The following CCNY variants were observed in gnomAD, a reference collection of about 807,000 sequenced individuals.
CCNY encodes the protein cyclin Y.
A neutral mutation model predicts 42.8 loss-of-function variants in CCNY; 19 were observed. That is an observed-to-expected ratio of 0.44 (90% CI 0.31 to 0.65). CCNY has a LOEUF of 0.65. CCNY is among the 30% of genes least tolerant of loss of function. CCNY has a pLI of 0.07. For missense variants in CCNY, 370 were observed against 437.3 expected (o/e 0.85, Z 1.37); for synonymous variants, 165 against 162.7 (o/e 1.01, Z -0.11).
At chr10:35,285,683 T>A (rs1266257779) in intron 3 of CCNY, among the ~76,000 whole-genome samples, 1 of 152,218 alleles carries the variant, frequency 6.6e-6, no homozygotes, top group East Asian at 1.9e-4. Context: ...GTTGAACTCC[T>A]GGGCTCCTAA....
chr10:35,416,804 T>A (rs1838034677), intron 1 of CCNY, among the ~76,000 whole-genome samples: 2 of 152,178 alleles, frequency 1.3e-5, no homozygotes, highest in Non-Finnish European at 2.9e-5. Context: ...TCACTCCAGC[T>A]GTGACTGTTG....
intron 7 of CCNY, among the ~76,000 whole-genome samples, chr10:35,534,999 ATGTGTGTGTGTGTG>A (rs59534409): frequency 1.9e-4 from 26 of 133,568 alleles, no homozygotes; most frequent in East Asian, 9.4e-4. Flanking sequence ...ATCTATATAT[ATGTGTGTGTGTGTG>A]TGTGTGTGTG....
rs1836046575 is a variant in CCNY, at chr10:35,336,877, CCCCGCCGCCGCCGCCGCTGCTGA to C, written c.-172_-150del. ...GCCGCCGCCGCCGCCCATGGCGAGGCCCCGCCGCCGCCGCCGCTGCTGACCCGGCGGCCGGCCGCCGTTCCGCC... is the reference window on the plus strand; with the variant it reads ...GCCGCCGCCGCCGCCCATGGCGAGGCCCCGGCGGCCGGCCGCCGTTCCGCC... On this transcript the variant is annotated 5_prime_UTR_variant, in exon 1 of 10. An upstream open reading frame in the 5' UTR loses its in-frame stop. Coordinates refer to ENST00000374704, the MANE Select transcript of CCNY (RefSeq NM_145012.6). 1 of 179,854 alleles carries C rather than the reference CCCCGCCGCCGCCGCCGCTGCTGA, an allele frequency of 5.6e-6. No homozygotes were observed. The allele number at this position is 179,854 out of a possible 1,614,324, so 11.1% of individuals were successfully genotyped here. A position where few individuals can be genotyped will look rare whatever the true frequency, so the allele number is the denominator to read the frequency against.
chr10:35,484,379 T>C (rs1275298818), intron 2 of CCNY, among the ~76,000 whole-genome samples: 1 of 152,202 alleles, frequency 6.6e-6, no homozygotes, highest in Non-Finnish European at 1.5e-5. Context: ...TGGCAAGGTA[T>C]AGTGCTGATT....
chr10:35,456,233 G>A (rs1839032890), intron 1 of CCNY, among the ~76,000 whole-genome samples: 1 of 152,112 alleles, frequency 6.6e-6, no homozygotes, highest in Admixed American at 6.5e-5. Context: ...TGCTCCCATT[G>A]CATCTCTGTG....
intron 1 of CCNY, among the ~76,000 whole-genome samples, chr10:35,441,365 T>C (rs1237072998): frequency 6.6e-6 from 1 of 152,096 alleles, no homozygotes; most frequent in Admixed American, 6.5e-5. Context: ...CCTTAGAGAG[T>C]GGTACAGAGT....
chr10:35,322,294 C>T (rs1015342141), intron 3 of CCNY, among the ~76,000 whole-genome samples: 7 of 149,428 alleles, frequency 4.7e-5, no homozygotes, highest in African/African-American at 1.2e-4. Flanking sequence ...GCAGAGGCTG[C>T]GGTGAGCTGA....
chr10:35,346,270 C>T (rs1836299910), intron 1 of CCNY, among the ~76,000 whole-genome samples: 1 of 152,192 alleles, frequency 6.6e-6, no homozygotes, highest in South Asian at 2.1e-4. Context: ...AGATACCCCA[C>T]CCACCTTTTC....
intron 2 of CCNY, among the ~76,000 whole-genome samples, chr10:35,494,125 C>T (rs1055129082): frequency 2.6e-5 from 4 of 151,646 alleles, no homozygotes; most frequent in African/African-American, 9.7e-5. Flanking sequence ...AGAGTTGCTT[C>T]CAGGTTAGGC....
intron 1 of CCNY, among the ~76,000 whole-genome samples, chr10:35,247,914 G>A (rs1479968552): frequency 2.1e-5 from 3 of 139,958 alleles, no homozygotes; most frequent in African/African-American, 5.3e-5. Context: ...AAGAAAGAAA[G>A]AAAAGAATAA....
chr10:35,521,548 A>G (rs539638702), intron 4 of CCNY, among the ~76,000 whole-genome samples: 18 of 152,312 alleles, frequency 1.2e-4, no homozygotes, highest in Admixed American at 1.1e-3. Flanking sequence ...GGTGAGGCAG[A>G]AAAAATTAGC....
In CCNY at chr10:35,460,451, T is replaced by TACACAC. The variant is rs57760757; in HGVS notation, c.155-22941_155-22936dup. Among the ~76,000 whole-genome samples the TACACAC allele has an allele frequency of 1.5e-3, 228 of 150,866 alleles. 1 individual carries two copies. Among genetic ancestry groups the TACACAC allele is most frequent in the Admixed American group, 3.9e-3 (59 of 15,148 alleles). On this transcript the variant is annotated intron_variant, in intron 1 of 9. Coordinates refer to ENST00000374704, the MANE Select transcript of CCNY (RefSeq NM_145012.6). ...ATTGGAAGAAGAAGAATTGTATATGTACACACACACACACACAGGATAATT... is the reference window on the plus strand; with the variant it reads ...ATTGGAAGAAGAAGAATTGTATATGTACACACACACACACACACACACAGGATAATT...
intron 7 of CCNY, among the ~76,000 whole-genome samples, chr10:35,543,007 A>G (rs1297726993): frequency 1.3e-5 from 2 of 152,272 alleles, no homozygotes; most frequent in Non-Finnish European, 2.9e-5. Context: ...CTTAGCGCAC[A>G]TCACTGCCCA....
chr10:35,458,798 G>A (rs944267775), intron 1 of CCNY, among the ~76,000 whole-genome samples: 4 of 152,324 alleles, frequency 2.6e-5, no homozygotes, highest in Admixed American at 2.0e-4. Flanking sequence ...TTTTATCACA[G>A]GTCTTTCCCC....
At chr10:35,250,080 G>A (rs1419722459) in intron 2 of CCNY, among the ~76,000 whole-genome samples, 2 of 151,956 alleles carry the variant, frequency 1.3e-5, no homozygotes, top group Non-Finnish European at 2.9e-5. Flanking sequence ...TGTAGTCCCA[G>A]CTGCTGGGGA....
chr10:35,363,438 C>CAG (rs903758330), intron 1 of CCNY, among the ~76,000 whole-genome samples: 73 of 151,866 alleles, frequency 4.8e-4, no homozygotes, highest in Non-Finnish European at 1.6e-4. Context: ...GGCTGCCGGG[C>CAG]AGAGGTGCTC....
intron 3 of CCNY, among the ~76,000 whole-genome samples, chr10:35,507,968 T>C (rs1840248449): frequency 6.6e-6 from 1 of 152,144 alleles, no homozygotes; most frequent in Non-Finnish European, 1.5e-5. Context: ...TTGATTTTGA[T>C]TACCGGGCAA....
chr10:35,356,700 T>C (rs1836558022), intron 1 of CCNY, among the ~76,000 whole-genome samples: 1 of 152,214 alleles, frequency 6.6e-6, no homozygotes, highest in Non-Finnish European at 1.5e-5. Context: ...GAAAAAAGAC[T>C]GGGCTTTGTA....
intron 3 of CCNY, among the ~76,000 whole-genome samples, chr10:35,511,783 G>A (rs1367221838): frequency 2.0e-5 from 3 of 152,194 alleles, no homozygotes; most frequent in Non-Finnish European, 4.4e-5. Flanking sequence ...AGTGGCCGTT[G>A]TTCCTTTCAT....
Sources: gnomAD v4.1 joint callset for allele counts (sites outside exome capture counted in the v4.1 genomes callset) on GRCh38, gnomAD v4.1.1 for gene constraint, MANE v1.5 for transcripts, NCBI Gene and HGNC (gene_info 2026-07-23, HGNC 2026-07-21) for gene names.